Variants in CNTNAP2 observed in about 807,000 individuals in gnomAD.
CNTNAP2 encodes the protein contactin-associated protein-like 2.
A neutral mutation model predicts 155.2 loss-of-function variants in CNTNAP2; 98 were observed. The ratio of observed to expected loss-of-function variants is 0.63; its 90% CI spans 0.54 to 0.75. The LOEUF is 0.75. Ranked by LOEUF, CNTNAP2 falls within the 30% of genes least tolerant of loss-of-function variation. CNTNAP2 has a pLI of 0.00. For synonymous variants in CNTNAP2, 651 were observed against 631.2 expected (o/e 1.03, Z -0.47); for missense variants, 1,727 against 1,688.1 (o/e 1.02, Z -0.40).
At chr7:146,905,997 CA>C (rs1796114991) in intron 3 of CNTNAP2, among the ~76,000 whole-genome samples, 2 of 152,320 alleles carry the variant, frequency 1.3e-5, no homozygotes, top group South Asian at 4.1e-4. Context: ...CTGGGAAGCG[CA>C]AGGGGTCAGG....
intron 9 of CNTNAP2, among the ~76,000 whole-genome samples, chr7:147,314,818 A>C (rs1259613876): frequency 6.6e-6 from 1 of 151,208 alleles, no homozygotes; most frequent in Non-Finnish European, 1.5e-5. Flanking sequence ...GCCCCTAGTA[A>C]ATATATAGTC....
chr7:148,263,455 G>A (rs1460423144), intron 20 of CNTNAP2, among the ~76,000 whole-genome samples: 2 of 151,932 alleles, frequency 1.3e-5, no homozygotes, highest in South Asian at 2.1e-4. Context: ...ATATATAAAA[G>A]TGGCCGGGTG....
chr7:147,566,678 G>C (rs1163524532), intron 12 of CNTNAP2, among the ~76,000 whole-genome samples: 1 of 152,104 alleles, frequency 6.6e-6, no homozygotes, highest in Non-Finnish European at 1.5e-5. Flanking sequence ...GTACATGGAG[G>C]AAACTGTCCC....
intron 13 of CNTNAP2, among the ~76,000 whole-genome samples, chr7:147,891,241 G>A (rs1799688099): frequency 6.7e-6 from 1 of 149,548 alleles, no homozygotes; most frequent in African/African-American, 2.5e-5. Flanking sequence ...GTCTCACTCT[G>A]TCGCCCAGGC....
At chr7:147,204,002 G>A (rs1802972230) in intron 8 of CNTNAP2, among the ~76,000 whole-genome samples, 1 of 151,984 alleles carries the variant, frequency 6.6e-6, no homozygotes, top group African/African-American at 2.4e-5. Flanking sequence ...AAATTAAAAA[G>A]AAAGGTTGTG....
At chr7:147,552,148 A>G (rs1467713011) in intron 11 of CNTNAP2, among the ~76,000 whole-genome samples, 1 of 152,110 alleles carries the variant, frequency 6.6e-6, no homozygotes, top group East Asian at 1.9e-4. Context: ...GTGTCCTTCT[A>G]TGGCCTTCAG....
At chr7:146,423,015 T>C (rs1444222647) in intron 1 of CNTNAP2, among the ~76,000 whole-genome samples, 1 of 152,154 alleles carries the variant, frequency 6.6e-6, no homozygotes, top group East Asian at 1.9e-4. Context: ...ACTAAAATTA[T>C]TTTCTGGCCT....
intron 10 of CNTNAP2, among the ~76,000 whole-genome samples, chr7:147,465,379 C>T (rs1056032654): frequency 1.3e-5 from 2 of 152,162 alleles, no homozygotes; most frequent in African/African-American, 2.4e-5. Flanking sequence ...TTATAAATTG[C>T]AGTGATGTCA....
At chr7:146,144,307 G>A (rs1479816124) in intron 1 of CNTNAP2, among the ~76,000 whole-genome samples, 2 of 151,794 alleles carry the variant, frequency 1.3e-5, no homozygotes, top group Admixed American at 6.6e-5. Context: ...GCGCACCAGC[G>A]TGCCTGGCTA....
At chr7:146,710,843 G>C (rs1195699460) in intron 1 of CNTNAP2, among the ~76,000 whole-genome samples, 1 of 152,002 alleles carries the variant, frequency 6.6e-6, no homozygotes, top group East Asian at 1.9e-4. Flanking sequence ...TTCAAGATAA[G>C]GGGCTAGTAC....
chr7:146,131,162 A>T (rs1342674576), intron 1 of CNTNAP2, among the ~76,000 whole-genome samples: 1 of 152,320 alleles, frequency 6.6e-6, no homozygotes, highest in African/African-American at 2.4e-5. Context: ...TTATTTTTTA[A>T]TGTGAATAAA....
chr7:146,465,768 G>A (rs1815174), intron 1 of CNTNAP2, among the ~76,000 whole-genome samples: 28,718 of 151,990 alleles, frequency 0.19, 3,936 homozygotes, highest in African/African-American at 0.39. Context: ...ACATATTTTC[G>A]TAGTCCAGAA....
chr7:146,128,201 G>A (rs942159029), intron 1 of CNTNAP2, among the ~76,000 whole-genome samples: 2 of 152,126 alleles, frequency 1.3e-5, no homozygotes, highest in South Asian at 2.1e-4. Context: ...AGGTATTAGG[G>A]AATGGTTGTA....
At chr7:146,561,268 A>G (rs921017745) in intron 1 of CNTNAP2, among the ~76,000 whole-genome samples, 3 of 152,192 alleles carry the variant, frequency 2.0e-5, no homozygotes, top group African/African-American at 7.2e-5. Flanking sequence ...TCTAAATTGT[A>G]CAACCAGAAT....
intron 1 of CNTNAP2, among the ~76,000 whole-genome samples, chr7:146,235,120 A>ATT (rs1239352422): frequency 1.3e-5 from 2 of 152,212 alleles, no homozygotes; most frequent in Non-Finnish European, 2.9e-5. Flanking sequence ...AAATGGCTGT[A>ATT]CATAGAAAAT....
chr7:148,237,495 A>G (rs898668735), intron 20 of CNTNAP2, among the ~76,000 whole-genome samples: 4 of 152,236 alleles, frequency 2.6e-5, no homozygotes, highest in African/African-American at 7.2e-5. Context: ...AAAAGAGAAC[A>G]TGATGTTAAA....
At chr7:147,326,130 T>G (rs62482179) in intron 9 of CNTNAP2, among the ~76,000 whole-genome samples, 3 of 152,032 alleles carry the variant, frequency 2.0e-5, no homozygotes, top group Non-Finnish European at 4.4e-5. Context: ...TTCACCGTGT[T>G]AGCCAGGATG....
intron 1 of CNTNAP2, among the ~76,000 whole-genome samples, chr7:146,763,758 C>A (rs1254495324): frequency 6.6e-6 from 1 of 152,134 alleles, no homozygotes; most frequent in African/African-American, 2.4e-5. Context: ...ATATCTATTT[C>A]ATAAAATGAA....
At chr7:146,138,896 A>G (rs1481239188) in intron 1 of CNTNAP2, among the ~76,000 whole-genome samples, 3 of 152,112 alleles carry the variant, frequency 2.0e-5, no homozygotes, top group Admixed American at 6.6e-5. Flanking sequence ...CATAACCACA[A>G]ACACTTATCA....
Sources: gnomAD v4.1 joint callset for allele counts (sites outside exome capture counted in the v4.1 genomes callset) on GRCh38, gnomAD v4.1.1 for gene constraint, MANE v1.5 for transcripts, NCBI Gene and HGNC (gene_info 2026-07-23, HGNC 2026-07-21) for gene names.